Variants in RNF175 observed in about 807,000 individuals in gnomAD.
The protein encoded by RNF175 is ring finger protein 175.
A neutral mutation model predicts 50.0 loss-of-function variants in RNF175; 38 were observed. That is an observed-to-expected ratio of 0.76 (90% CI 0.59 to 1.00). The LOEUF (loss-of-function observed/expected upper bound fraction) is 1.00. Among genes scored for constraint, RNF175 ranks in the 50% least tolerant of loss-of-function variants. The pLI is 0.00. For missense variants in RNF175, 388 were observed against 409.6 expected (o/e 0.95, Z 0.46); for synonymous variants, 155 against 146.1 (o/e 1.06, Z -0.44).
At chr4:153,734,200 A>G (rs773385226) in intron 3 of RNF175, among the ~76,000 whole-genome samples, 29 of 152,200 alleles carry the variant, frequency 1.9e-4, no homozygotes, top group Non-Finnish European at 3.7e-4. Context: ...TAGGTTTTCA[A>G]TTTAACTGGG....
At chr4:153,721,648 A>T (rs1341130681) in intron 5 of RNF175, among the ~76,000 whole-genome samples, 1 of 152,224 alleles carries the variant, frequency 6.6e-6, no homozygotes, top group African/African-American at 2.4e-5. Context: ...GATAATCATC[A>T]AGTAGTGAAA....
intron 7 of RNF175, 82 bp downstream of exon 7, chr4:153,715,447 G>A: frequency 7.4e-7 from 1 of 1,357,828 alleles, no homozygotes; most frequent in Non-Finnish European, 1.0e-6. Context: ...AGATGGAGGA[G>A]ATGGGGACAG....
At chr4:153,716,610 T>TA (rs2127093012) in intron 6 of RNF175, among the ~76,000 whole-genome samples, 1 of 152,232 alleles carries the variant, frequency 6.6e-6, no homozygotes, top group African/African-American at 2.4e-5. Flanking sequence ...AAAGAAAAGA[T>TA]ACAAAAATAT....
intron 1 of RNF175, among the ~76,000 whole-genome samples, chr4:153,759,344 G>A (rs12503662): frequency 0.012 from 1,894 of 152,254 alleles, 157 homozygotes; most frequent in Admixed American, 0.12. Flanking sequence ...ACTCGAGTTT[G>A]AGAACCAGGG....
intron 1 of RNF175, among the ~76,000 whole-genome samples, chr4:153,758,618 T>G (rs1740668199): frequency 6.6e-6 from 1 of 152,152 alleles, no homozygotes; most frequent in Non-Finnish European, 1.5e-5. Context: ...TCATGGAGTT[T>G]CATTTTAAGT....
At chr4:153,729,311 C>A (rs1376464956) in intron 3 of RNF175, among the ~76,000 whole-genome samples, 1 of 152,208 alleles carries the variant, frequency 6.6e-6, no homozygotes, top group East Asian at 1.9e-4. Context: ...CTGCAGCGCT[C>A]TGTTGAGGAT....
At position 153,728,303 on chromosome 4, in the gene RNF175, C is replaced by T; in HGVS notation, c.305G>A (p.Trp102Ter). ...CCCCCACATAGACAGAAACCGCCAC[C>T]AGTATAATTTTATCGTGAAATATAA... ...VPLYFTIKLY[W>*]WRFLSMWGMF... The change falls in exon 4 of 9, where the codon TGG becomes TAG. Residue 102 changes from tryptophan to a stop codon, truncating the protein, a stop_gained. Coordinates refer to ENST00000347063, the MANE Select transcript of RNF175 (RefSeq NM_173662.4). LOFTEE classifies it high-confidence loss of function. 1 of 1,613,514 alleles carries T rather than the reference C, an allele frequency of 6.2e-7. No homozygotes were observed. Among genetic ancestry groups the T allele is most frequent in the Non-Finnish European group, 8.5e-7 (1 of 1,179,506 alleles).
intron 5 of RNF175, among the ~76,000 whole-genome samples, chr4:153,722,313 C>CT (rs1369121858): frequency 6.6e-6 from 1 of 152,212 alleles, no homozygotes; most frequent in Non-Finnish European, 1.5e-5. Flanking sequence ...GTTATCCCTA[C>CT]TTCCTTTATC....
At chr4:153,753,388 A>T (rs958799029) in intron 1 of RNF175, among the ~76,000 whole-genome samples, 2 of 152,174 alleles carry the variant, frequency 1.3e-5, no homozygotes, top group Admixed American at 1.3e-4. Flanking sequence ...GGGAGAGTAG[A>T]GGACACTGGC....
chr4:153,718,215 TTTG>T lies in RNF175; in HGVS notation c.630+1966_630+1968del, dbSNP rs1316145895. ...CTCATTCCTTTCCTAAGGAGTTTTT[TTTG>T]TTTGTTTGTTTGTTTGTTTGTTTTT... On this transcript the variant is annotated intron_variant, in intron 6 of 8. Coordinates refer to ENST00000347063, the MANE Select transcript of RNF175 (RefSeq NM_173662.4). Among the ~76,000 whole-genome samples the T allele has an allele frequency of 9.7e-3, 412 of 42,422 alleles. 7 individuals are homozygous for T. Among genetic ancestry groups the T allele is most frequent in the Admixed American group, 0.038 (121 of 3,202 alleles). The allele number at this position is 42,422 out of a possible 152,430, so 27.8% of individuals were successfully genotyped here.
At chr4:153,728,116 C>G (rs184329871) in intron 4 of RNF175, 91 bp downstream of exon 4, 3 of 884,592 alleles carry the variant, frequency 3.4e-6, no homozygotes, top group Non-Finnish European at 4.9e-6. Flanking sequence ...GTAACCCCCC[C>G]ACTCCCCAAC....
intron 1 of RNF175, among the ~76,000 whole-genome samples, chr4:153,755,617 T>C (rs1201309027): frequency 2.0e-5 from 3 of 146,368 alleles, no homozygotes; most frequent in African/African-American, 7.6e-5. Flanking sequence ...AGAGAAAATA[T>C]AAGAATATTA....
intron 6 of RNF175, among the ~76,000 whole-genome samples, chr4:153,718,222 GTTTGTTTGTT>G: frequency 2.7e-5 from 1 of 37,540 alleles, no homozygotes; most frequent in East Asian, 6.4e-4. Context: ...TTTTTTGTTT[GTTTGTTTGTT>G]TGTTTGTTTT....
intron 3 of RNF175, chr4:153,729,593 A>C (rs1361072229): frequency 1.2e-6 from 1 of 818,068 alleles, no homozygotes; most frequent in Non-Finnish European, 1.5e-6. Context: ...CTTGGACAGG[A>C]CTTCAAGATA....
intron 4 of RNF175, among the ~76,000 whole-genome samples, chr4:153,725,031 C>A (rs1204048654): frequency 6.0e-4 from 27 of 45,196 alleles, no homozygotes; most frequent in Non-Finnish European, 9.9e-4. Flanking sequence ...GGGGAGCGGG[C>A]AGGGGTAGGC....
At chr4:153,722,858 G>GT (rs1038325481) in intron 5 of RNF175, among the ~76,000 whole-genome samples, 1 of 151,678 alleles carries the variant, frequency 6.6e-6, no homozygotes, top group African/African-American at 2.4e-5. Context: ...ATATGAAAAT[G>GT]TTTTTTGTGT....
At chr4:153,732,744 A>G (rs1444407479) in intron 3 of RNF175, among the ~76,000 whole-genome samples, 4 of 152,198 alleles carry the variant, frequency 2.6e-5, no homozygotes, top group Non-Finnish European at 5.9e-5. Flanking sequence ...GAAGGTGGAG[A>G]GGGTGATGTT....
Position 153,720,303 on chromosome 4 carries a change from T to G in RNF175, c.511A>C (p.Ile171Leu). The G allele has an allele frequency of 6.2e-7, 1 of 1,612,948 alleles. No individual in the cohort carries two copies. Among genetic ancestry groups the G allele is most frequent in the Non-Finnish European group, 8.5e-7 (1 of 1,178,912 alleles). ...AAATCCATGGAATCTCTAGCTTTGATTCTATTGAAAACAACAGTATAAGGA... is the reference window on the plus strand; with the variant it reads ...AAATCCATGGAATCTCTAGCTTTGAGTCTATTGAAAACAACAGTATAAGGA... ...TMCGFNLFFK[I>L]KARDSMDFGI... The change falls in exon 6 of 9, where the codon ATC (isoleucine) becomes CTC (leucine). Residue 171 changes from isoleucine (I) to leucine (L), a missense_variant and splice_region_variant. Coordinates refer to ENST00000347063, the MANE Select transcript of RNF175 (RefSeq NM_173662.4).
intron 4 of RNF175, among the ~76,000 whole-genome samples, chr4:153,723,879 ACTT>A (rs1450941282): frequency 6.6e-6 from 1 of 152,048 alleles, no homozygotes; most frequent in Non-Finnish European, 1.5e-5. Flanking sequence ...GGAGTCCAGA[ACTT>A]CTTCCCCAGG....
Sources: gnomAD v4.1 joint callset for allele counts (sites outside exome capture counted in the v4.1 genomes callset) on GRCh38, gnomAD v4.1.1 for gene constraint, MANE v1.5 for transcripts, NCBI Gene and HGNC (gene_info 2026-07-23, HGNC 2026-07-21) for gene names.